The following ONECUT1 variants were observed in gnomAD, a reference collection of about 807,000 sequenced individuals.
ONECUT1 encodes one cut homeobox 1, also known as hepatocyte nuclear factor 6.
In ONECUT1, 12 loss-of-function variants were observed where a neutral mutation model predicts 25.6. That is an observed-to-expected ratio of 0.47 (90% CI 0.30 to 0.76). The LOEUF is 0.76. Ranked by LOEUF, ONECUT1 falls within the 30% of genes least tolerant of loss-of-function variation. The probability of loss-of-function intolerance (pLI) is 0.07; values close to 1 mark genes in which losing one functional copy is unlikely to be tolerated. For synonymous variants in ONECUT1, 285 were observed against 270.2 expected, an observed-to-expected ratio of 1.05 and a Z score of -0.54; for missense variants, 620 against 651.2, an observed-to-expected ratio of 0.95 and a Z score of 0.52.
rs549904615 is a variant in ONECUT1, at chr15:52,784,698, C to G, written c.1105+4082G>C. Among the ~76,000 whole-genome samples, 5 of 152,352 alleles carry G rather than the reference C, an allele frequency of 3.3e-5. No individual in the cohort carries two copies. The South Asian group carries it at 8.3e-4, about 25-fold the overall frequency. Reference sequence around the variant, plus strand: ...GCCGTGAGACAGGCACCACGCAGAGCCTTCTGGTGACTGTCCGCAGGAGCG... The same window carrying G: ...GCCGTGAGACAGGCACCACGCAGAGGCTTCTGGTGACTGTCCGCAGGAGCG... On this transcript the variant is annotated intron_variant, in intron 1 of 1. Transcript: ENST00000305901. The surrounding 1 kb of genome is among the most constrained non-coding windows in gnomAD (Gnocchi z 5.0).
chr15:52,777,733 C>CAAAAAAAA (rs1402130601), intron 1 of ONECUT1, among the ~76,000 whole-genome samples: 10 of 85,252 alleles, frequency 1.2e-4, no homozygotes, highest in African/African-American at 6.8e-4. Flanking sequence ...CACACACACA[C>CAAAAAAAA]ACACAAAAAA....
rs1276433143 is a variant in ONECUT1 at position 52,790,265 on chromosome 15, G to A, written c.-381C>T. On this transcript the variant is annotated 5_prime_UTR_variant, in exon 1 of 2. Coordinates refer to ENST00000305901, the MANE Select transcript of ONECUT1 (RefSeq NM_004498.4). ...CTGAGGTCTCCGGCTCCCCTGCCGC[G>A]GCCCGCGCGCCTGCCGCGTCTGCTG... Among the ~76,000 whole-genome samples, 1 of 150,958 alleles carries A rather than the reference G, an allele frequency of 6.6e-6. No homozygotes were observed. Among genetic ancestry groups the A allele is most frequent in the African/African-American group, 2.4e-5 (1 of 41,194 alleles).
rs2083712966 is a variant in ONECUT1 at position 52,762,736 on chromosome 15, GA to G, written c.1106-4890del. 2.6e-5 allele frequency among the ~76,000 whole-genome samples: 4 copies of G among 152,190 alleles called. No homozygotes were observed. In the South Asian group the frequency reaches 8.3e-4, roughly 31 times the overall value. On this transcript the variant is annotated intron_variant, in intron 1 of 1. Coordinates refer to ENST00000305901, the MANE Select transcript of ONECUT1 (RefSeq NM_004498.4). ...TGCCAAAGCTGGAGGTGCTGAAAAA[GA>G]AAGCAGAGATATCAGTAAAATGGAG...
At chr15:52,772,160 C>CGA (rs2083771925) in intron 1 of ONECUT1, among the ~76,000 whole-genome samples, 1 of 151,718 alleles carries the variant, frequency 6.6e-6, no homozygotes, top group East Asian at 2.0e-4. Flanking sequence ...TTTGGGAGGC[C>CGA]GAGGCGGGTG....
rs2083679690 is a variant in ONECUT1 at position 52,757,460 on chromosome 15, C to G, written c.*95G>C. On this transcript the variant is annotated 3_prime_UTR_variant, in exon 2 of 2. Transcript: ENST00000305901. The stretch of plus-strand genomic sequence containing the variant: ...AACGCTTTTTTTTCTTCAAATATTT[C>G]TAAGTATAAACCTGCTATCTTGAGG... 7.6e-7 allele frequency: 1 copy of G among 1,308,376 alleles called. No homozygotes were observed. 81.0% of individuals were successfully genotyped at this position (1,308,376 alleles called of 1,614,324 possible). A position where few individuals can be genotyped will look rare whatever the true frequency, so the allele number is the denominator to read the frequency against.
In ONECUT1 at chr15:52,756,600, T is replaced by C. The variant is rs1371953472; in HGVS notation, c.*955A>G. On this transcript the variant is annotated 3_prime_UTR_variant, in exon 2 of 2. Transcript: ENST00000305901. ...GGATCCTGAAAAGGAGTGTGCCATC[T>C]GGATGTACACGTGTACTGCATCGAC... Among the ~76,000 whole-genome samples, 1 of 152,210 alleles carries C rather than the reference T, an allele frequency of 6.6e-6. No individual in the cohort carries two copies. The highest frequency in any genetic ancestry group is 2.4e-5 in the African/African-American group (1 of 41,458).
At chr15:52,771,013 C>T (rs2083764203) in intron 1 of ONECUT1, among the ~76,000 whole-genome samples, 1 of 152,186 alleles carries the variant, frequency 6.6e-6, no homozygotes, top group Non-Finnish European at 1.5e-5. Flanking sequence ...GAAAGATGAT[C>T]TGCATTTATA....
chr15:52,775,738 A>T (rs574899880), intron 1 of ONECUT1, among the ~76,000 whole-genome samples: 2 of 152,392 alleles, frequency 1.3e-5, no homozygotes, highest in East Asian at 1.9e-4. Context: ...TGTGAAAATA[A>T]CTAGATCGGA....
At chr15:52,766,651 G>C (rs1210437549) in intron 1 of ONECUT1, among the ~76,000 whole-genome samples, 2 of 152,212 alleles carry the variant, frequency 1.3e-5, no homozygotes, top group Non-Finnish European at 2.9e-5. Context: ...CCCATGTCAG[G>C]AAGGATGCAG....
chr15:52,771,612 G>A (rs1242820656), intron 1 of ONECUT1, among the ~76,000 whole-genome samples: 2 of 150,804 alleles, frequency 1.3e-5, no homozygotes, highest in African/African-American at 4.9e-5. Flanking sequence ...TTTTTACAAT[G>A]AGCATGTATT....
At chr15:52,759,025 T>C (rs1419925114) in intron 1 of ONECUT1, among the ~76,000 whole-genome samples, 3 of 152,308 alleles carry the variant, frequency 2.0e-5, no homozygotes, top group Admixed American at 2.0e-4. Context: ...TGCAATCAGA[T>C]TGCTGCCTCT....
intron 1 of ONECUT1, chr15:52,780,749 T>C: frequency 6.8e-7 from 1 of 1,465,732 alleles, no homozygotes; most frequent in Non-Finnish European, 9.0e-7. Context: ...TGATCTGTTT[T>C]AGAAGACAAC....
rs200748237 is a variant in ONECUT1, at chr15:52,789,090, C to G, written c.795G>C (p.Leu265=). 6.2e-7 allele frequency: 1 copy of G among 1,601,782 alleles called. No homozygotes were observed. Among genetic ancestry groups the G allele is most frequent in the Non-Finnish European group, 8.5e-7 (1 of 1,179,948 alleles). ...AAGGGTTGGGCTCCCGGGCTGTGCC[C>G]AGGAGTTGCCCGTGGCCCTGGGCGT... ...HLNAQGHGQL[L]GTAREPNPSV... The change falls in exon 1 of 2, where the codon CTG becomes CTC. Residue 265 remains leucine, a synonymous_variant. Coordinates refer to ENST00000305901, the MANE Select transcript of ONECUT1 (RefSeq NM_004498.4). The surrounding 1 kb of genome is among the most constrained non-coding windows in gnomAD (Gnocchi z 4.1).
intron 1 of ONECUT1, among the ~76,000 whole-genome samples, chr15:52,762,955 C>T (rs925243359): frequency 1.3e-5 from 2 of 151,060 alleles, no homozygotes; most frequent in East Asian, 1.9e-4. Context: ...TTATGAGAGT[C>T]GACAGGAATG....
chr15:52,766,125 A>T (rs921413394), intron 1 of ONECUT1, among the ~76,000 whole-genome samples: 3 of 152,234 alleles, frequency 2.0e-5, no homozygotes, highest in African/African-American at 7.2e-5. Flanking sequence ...GTGGGGAATA[A>T]TCACCGTAAC....
rs58758132 is a variant in ONECUT1, at chr15:52,782,917, C to G, written c.1105+5863G>C. Among the ~76,000 whole-genome samples, 792 of 152,322 alleles carry G rather than the reference C, an allele frequency of 5.2e-3. 6 individuals carry two copies. The highest frequency in any genetic ancestry group is 0.017 in the African/African-American group (719 of 41,564). ...AGCTGAGGAGCAGGATATTGGAGAG[C>G]CTCCTTCTTAATTACCCACCTTTAT... On this transcript the variant is annotated intron_variant, in intron 1 of 1. Coordinates refer to ENST00000305901, the MANE Select transcript of ONECUT1 (RefSeq NM_004498.4).
chr15:52,784,064 G>A lies in ONECUT1; in HGVS notation c.1105+4716C>T, dbSNP rs898038016. 1.3e-5 allele frequency among the ~76,000 whole-genome samples: 2 copies of A among 152,198 alleles called. No individual in the cohort carries two copies. The highest frequency in any genetic ancestry group is 4.8e-5 in the African/African-American group (2 of 41,446). ...GCGGGCTGAACCACGGACGCTCGCG[G>A]GTCGCCCAGCCCCGACGGCCCGCAG... On this transcript the variant is annotated intron_variant, in intron 1 of 1. Transcript: ENST00000305901. The surrounding 1 kb of genome is among the most constrained non-coding windows in gnomAD (Gnocchi z 5.0).
intron 1 of ONECUT1, among the ~76,000 whole-genome samples, chr15:52,764,902 G>A (rs1053818329): frequency 4.6e-5 from 7 of 152,178 alleles, no homozygotes; most frequent in Non-Finnish European, 5.9e-5. Flanking sequence ...GAAGAGAAAC[G>A]TCCAGGCGGC....
chr15:52,778,054 CA>C (rs1457174625), intron 1 of ONECUT1, among the ~76,000 whole-genome samples: 1 of 152,028 alleles, frequency 6.6e-6, no homozygotes, highest in Non-Finnish European at 1.5e-5. Context: ...AGGAATCAGA[CA>C]AAAACAATGT....
Sources: gnomAD v4.1 joint callset for allele counts (sites outside exome capture counted in the v4.1 genomes callset) on GRCh38, gnomAD v4.1.1 for gene constraint, Gnocchi (gnomAD v3.1) non-coding constraint, MANE v1.5 for transcripts, NCBI Gene and HGNC (gene_info 2026-07-23, HGNC 2026-07-21) for gene names.